HR: variants seen among roughly 807,000 people sequenced by gnomAD.
The protein encoded by HR is lysine-specific demethylase hairless.
HR carries 83 observed loss-of-function variants against 128.6 expected under a neutral mutation model. That is an observed-to-expected ratio of 0.65 (90% confidence interval 0.54 to 0.77). The LOEUF (loss-of-function observed/expected upper bound fraction) is 0.77, where lower values mean the gene tolerates loss of function less well. Among genes scored for constraint, HR ranks in the 30% least tolerant of loss-of-function variants. The probability of loss-of-function intolerance (pLI) is 0.00; values close to 1 mark genes in which losing one functional copy is unlikely to be tolerated. For synonymous variants in HR, 681 were observed against 658.2 expected, an observed-to-expected ratio of 1.03 and a Z score of -0.53; for missense variants, 1,490 against 1,574.6, an observed-to-expected ratio of 0.95 and a Z score of 0.91.
In HR at chr8:22,117,201, G is replaced by C. The variant is rs1018028970; in HGVS notation, c.3214-162C>G. 4.4e-6 allele frequency: 3 copies of C among 681,476 alleles called. No homozygotes were observed. The African/African-American group carries it at 5.5e-5, about 13-fold the overall frequency. The allele number at this position is 681,476 out of a possible 1,614,324, so 42.2% of individuals were successfully genotyped here. ...GCATGGCTGAGTTTGTTTGGGGCTG[G>C]GGCAGCTCAGGTTGGCAGAACACAC... On this transcript the variant is annotated intron_variant, in intron 16 of 18. Transcript: ENST00000381418.
At chr8:22,125,865 T>G (rs1318802196) in intron 3 of HR, 133 bp from the exon 4 acceptor site, 1 of 1,048,012 alleles carries the variant, frequency 9.5e-7, no homozygotes. Context: ...GAAGCCTAAT[T>G]CAGAACCAGC....
At chr8:22,123,549 G>A in intron 6 of HR, 100 bp downstream of exon 6, 16 of 1,195,530 alleles carry the variant, frequency 1.3e-5, no homozygotes, top group Non-Finnish European at 1.8e-5. Flanking sequence ...GCAGTGGGTA[G>A]GGGGCTTTTT....
In HR at chr8:22,115,154, C is replaced by G. The variant is rs1485303877; in HGVS notation, c.*546G>C. The G allele has an allele frequency of 1.1e-5, 2 of 177,202 alleles. No individual in the cohort carries two copies. Among genetic ancestry groups the G allele is most frequent in the Non-Finnish European group, 2.4e-5 (2 of 83,728 alleles). 11.0% of individuals were successfully genotyped at this position (177,202 alleles called of 1,614,324 possible). A position where few individuals can be genotyped will look rare whatever the true frequency, so the allele number is the denominator to read the frequency against. On this transcript the variant is annotated 3_prime_UTR_variant, in exon 19 of 19. Coordinates refer to ENST00000381418, the MANE Select transcript of HR (RefSeq NM_005144.5). ...GCTGAGTGACATCGCCCATGCCGCT[C>G]CCTCCGCCAAGCCTGAGCAGCTCCT...
At chr8:22,123,616 A>ACCAC in intron 6 of HR, 33 bp downstream of exon 6, 1 of 562,348 alleles carries the variant, frequency 1.8e-6, no homozygotes, top group South Asian at 2.2e-5. Context: ...TGAGGGCTCC[A>ACCAC]TCCCGCCCTC....
chr8:22,116,432 T>G lies in HR; in HGVS notation c.3379-4A>C. ...CTGTGCTCACCAGGCCCTGCACCTG[T>G]GTCGGGGGGACATGGACAGTGAGGC... is the stretch of plus-strand genomic sequence containing the variant. On this transcript the variant is annotated splice_region_variant and splice_polypyrimidine_tract_variant and intron_variant, in intron 17 of 18. Transcript: ENST00000381418. The surrounding 1 kb of genome is among the most constrained non-coding windows in gnomAD (Gnocchi z 4.2). 6.2e-7 allele frequency: 1 copy of G among 1,613,532 alleles called. No homozygotes were observed. The highest frequency in any genetic ancestry group is 1.1e-5 in the South Asian group (1 of 90,972).
chr8:22,125,379 C>T lies in HR; in HGVS notation c.1682G>A (p.Gly561Asp), dbSNP rs1826858977. 1.2e-6 allele frequency: 2 copies of T among 1,609,772 alleles called. No homozygotes were observed. Among genetic ancestry groups the T allele is most frequent in the East Asian group, 2.2e-5 (1 of 44,788 alleles). Residue 561 changes from glycine (G) to aspartate (D), a missense_variant, in exon 5 of 19, where the codon GGT (glycine) becomes GAT (aspartate). Physicochemically the swap from Gly to Asp is moderately conservative, Grantham distance 94. Around this residue, in one of 3 missense-constraint regions of HR, gnomAD observed 1,060 missense variants for 1,060.9 expected, o/e 1.00. Coordinates refer to ENST00000381418, the MANE Select transcript of HR (RefSeq NM_005144.5). ...STGLAKHLLS[G>D]LGDRLCRLLR... Reference sequence around the variant, plus strand: ...CAGGCGGCACAGTCGGTCCCCCAAACCACTGAGCAGGTGCTTGGCGAGGCC... The same window carrying T: ...CAGGCGGCACAGTCGGTCCCCCAAATCACTGAGCAGGTGCTTGGCGAGGCC...
intron 5 of HR, 78 bp downstream of exon 5, chr8:22,125,233 G>T: frequency 6.9e-7 from 1 of 1,447,780 alleles, no homozygotes; most frequent in Non-Finnish European, 9.4e-7. Flanking sequence ...GGAGCTGGCA[G>T]TGTGGGTGGG....
chr8:22,116,893 AGGCACCAGCACGGCCTCTCCGGGG>A lies in HR; in HGVS notation c.3336_3359del (p.Pro1113_Pro1120del), dbSNP rs1244582329. ...GAAGCACCTGGTGGGGAGCCCCTGC[AGGCACCAGCACGGCCTCTCCGGGG>A]GCCTGGAGCAGGGTCCAGCAGCTCA... On this transcript the variant is annotated inframe_deletion, in exon 17 of 19. Coordinates refer to ENST00000381418, the MANE Select transcript of HR (RefSeq NM_005144.5). The surrounding 1 kb of genome is among the most constrained non-coding windows in gnomAD (Gnocchi z 4.2). The A allele has an allele frequency of 6.4e-7, 1 of 1,570,104 alleles. No individual in the cohort carries two copies.
intron 6 of HR, 33 bp downstream of exon 6, chr8:22,123,616 A>ACCCCCCCCCCCCCCCCCCC: frequency 1.8e-6 from 1 of 562,348 alleles, no homozygotes; most frequent in Non-Finnish European, 3.0e-6. Context: ...TGAGGGCTCC[A>ACCCCCCCCCCCCCCCCCCC]TCCCGCCCTC....
rs1826817971 is a variant in HR, at chr8:22,123,763, T to A, written c.1801A>T (p.Ser601Cys). 1.2e-6 allele frequency: 2 copies of A among 1,602,114 alleles called. No individual in the cohort carries two copies. The highest frequency in any genetic ancestry group is 1.7e-6 in the Non-Finnish European group (2 of 1,177,624). ...EDSPGIPRCC[S>C]RCHHGLFNTH... ...TTGAAGAGTCCATGGTGGCAACGGC[T>A]GCAGCAGCGTGGAATGCCTGGGCTG... The change falls in exon 6 of 19, where the codon AGC (serine) becomes TGC (cysteine). Residue 601 changes from serine to cysteine, a missense_variant. Physicochemically the swap from Ser to Cys is moderately radical, Grantham distance 112 (BLOSUM62 -1). This residue lies in a region of HR where 1,060 missense variants were observed against 1,060.9 expected (regional missense o/e 1.00). Coordinates refer to ENST00000381418, the MANE Select transcript of HR (RefSeq NM_005144.5).
At chr8:22,118,493 C>G (rs7828077) in intron 16 of HR, 85,821 of 178,858 alleles carry the variant, frequency 0.48, 21,655 homozygotes, top group African/African-American at 0.61. Context: ...TCTCAGAAGG[C>G]AGAGGAGGCT....
intron 5 of HR, among the ~76,000 whole-genome samples, chr8:22,124,630 A>G (rs1826839837): frequency 6.6e-6 from 1 of 152,220 alleles, no homozygotes; most frequent in South Asian, 2.1e-4. Flanking sequence ...ATGCCAGGGA[A>G]GGGTGAGGAT....
chr8:22,120,852 C>T lies in HR; in HGVS notation c.2474G>A (p.Arg825His), dbSNP rs561970788. The change falls in exon 11 of 19, where the codon CGC becomes CAC. Residue 825 changes from arginine (R) to histidine (H), a missense_variant. Around this residue, in one of 3 missense-constraint regions of HR, gnomAD observed 423 missense variants for 495.9 expected, o/e 0.85. Coordinates refer to ENST00000381418, the MANE Select transcript of HR (RefSeq NM_005144.5). The part of the protein sequence containing the change: ...GPGLRAGPGL[R>H]KGLGLPLSPV... ...AGAGAGGGGCAGGCCCAGGCCCTTG[C>T]GCAGACCCGGGCCAGCTCGAAGCCC... 69 of 1,551,782 alleles carry T rather than the reference C, an allele frequency of 4.4e-5. 1 individual carries two copies. The South Asian group carries it at 6.9e-4, about 15-fold the overall frequency.
intron 9 of HR, 76 bp downstream of exon 9, chr8:22,121,537 C>T (rs1175820585): frequency 1.0e-5 from 15 of 1,496,536 alleles, no homozygotes; most frequent in African/African-American, 1.4e-5. Context: ...GAGACTTCCG[C>T]GACTGTCCCC....
chr8:22,122,435 G>T, intron 8 of HR, 58 bp downstream of exon 8: 1 of 1,291,974 alleles, frequency 7.7e-7, no homozygotes, highest in Non-Finnish European at 1.1e-6. Flanking sequence ...CCAAACCCCT[G>T]CAAAGGTCAG....
rs1826665593 is a variant in HR, at chr8:22,119,037, C to T, written c.3126G>A (p.Gly1042=). 3.1e-6 allele frequency: 5 copies of T among 1,613,146 alleles called. No individual in the cohort carries two copies. The highest frequency in any genetic ancestry group is 2.2e-5 in the East Asian group (1 of 44,896). The change falls in exon 16 of 19, where the codon GGG becomes GGA. Residue 1042 remains glycine, a synonymous_variant. Transcript: ENST00000381418. ...TGACCTGGCTGCCCGGAGACCAGAG[C>T]CCCTCCCCGTCCAGGCCTGAAAGGA... The part of the protein sequence containing the change: ...KDFLSGLDGE[G]LWSPGSQVST...
rs1826708279 is a variant in HR, at chr8:22,120,328, T to C, written c.2776+14A>G. The stretch of plus-strand genomic sequence containing the variant: ...GGCTCCCAGCTCCCTCTCCCCTGTG[T>C]TGGGGACACTTACGCTCAGGCCAGG... On this transcript the variant is annotated intron_variant, in intron 12 of 18. Coordinates refer to ENST00000381418, the MANE Select transcript of HR (RefSeq NM_005144.5). The C allele has an allele frequency of 7.4e-6, 12 of 1,613,682 alleles. No individual in the cohort carries two copies. Among genetic ancestry groups the C allele is most frequent in the Non-Finnish European group, 1.0e-5 (12 of 1,179,962 alleles).
intron 3 of HR, 86 bp from the exon 4 acceptor site, chr8:22,125,818 C>T (rs773791428): frequency 1.7e-5 from 25 of 1,458,234 alleles, no homozygotes; most frequent in Non-Finnish European, 2.3e-5. Flanking sequence ...ACCCCATCCA[C>T]ACTCAGAGCC....
At chr8:22,117,995 T>C (rs1251225899) in intron 16 of HR, 1 of 152,110 alleles carries the variant, frequency 6.6e-6, no homozygotes, top group African/African-American at 2.4e-5. Flanking sequence ...CGTGAGTCAC[T>C]GGGTTGGGCC....
Sources: gnomAD v4.1 joint callset for allele counts (sites outside exome capture counted in the v4.1 genomes callset) on GRCh38, gnomAD v4.1.1 for gene constraint, gnomAD v4.1.1 regional missense constraint, Gnocchi (gnomAD v3.1) non-coding constraint, MANE v1.5 for transcripts, NCBI Gene and HGNC (gene_info 2026-07-23, HGNC 2026-07-21) for gene names.